The following SAXO1 variants were observed in gnomAD, a reference collection of about 807,000 sequenced individuals.
SAXO1 encodes the protein stabilizer of axonemal microtubules 1.
SAXO1 carries 21 observed loss-of-function variants against 17.5 expected under a neutral mutation model. The ratio of observed to expected loss-of-function variants is 1.20; its 90% confidence interval spans 0.85 to 1.72. The LOEUF (loss-of-function observed/expected upper bound fraction) is 1.72, where lower values mean the gene tolerates loss of function less well. SAXO1 is among the 40% of genes most tolerant of loss of function. The pLI is 0.00. For missense variants in SAXO1, 843 were observed against 596.0 expected, an observed-to-expected ratio of 1.41 and a Z score of -4.32; for synonymous variants, 274 against 216.5, an observed-to-expected ratio of 1.27 and a Z score of -2.33.
chr9:18,973,109 G>T (rs1318147696), intron 1 of SAXO1, among the ~76,000 whole-genome samples: 1 of 152,200 alleles, frequency 6.6e-6, no homozygotes, highest in Non-Finnish European at 1.5e-5. Context: ...ATCAGGTTGG[G>T]AAAGTAGTTC....
chr9:19,044,730 G>A (rs566284424), intron 1 of SAXO1, among the ~76,000 whole-genome samples: 2 of 152,080 alleles, frequency 1.3e-5, no homozygotes, highest in Admixed American at 6.6e-5. Flanking sequence ...GGGTGTGGTG[G>A]CGGGCGCCTG....
chr9:18,958,893 T>G (rs963680990), intron 1 of SAXO1, among the ~76,000 whole-genome samples: 6 of 152,026 alleles, frequency 3.9e-5, no homozygotes, highest in African/African-American at 1.4e-4. Flanking sequence ...AAACAAAACC[T>G]TGGAGAAACC....
intron 3 of SAXO1, among the ~76,000 whole-genome samples, chr9:18,934,049 AAAT>A (rs67844726): frequency 0.018 from 2,691 of 151,692 alleles, 44 homozygotes; most frequent in Non-Finnish European, 0.028. Context: ...TCCGTCTCAA[AAAT>A]AATAATAATA....
intron 3 of SAXO1, among the ~76,000 whole-genome samples, chr9:18,935,906 T>C (rs1383407253): frequency 6.6e-6 from 1 of 152,182 alleles, no homozygotes; most frequent in Non-Finnish European, 1.5e-5. Flanking sequence ...GCAGAGCCAC[T>C]ACATAAATGA....
intron 1 of SAXO1, among the ~76,000 whole-genome samples, chr9:18,972,401 C>T (rs1020937659): frequency 6.6e-6 from 1 of 152,186 alleles, no homozygotes; most frequent in African/African-American, 2.4e-5. Flanking sequence ...GCCTTTTGTT[C>T]ATAAATGTGT....
At chr9:19,010,239 G>A (rs966259136) in intron 1 of SAXO1, among the ~76,000 whole-genome samples, 11 of 152,224 alleles carry the variant, frequency 7.2e-5, no homozygotes, top group South Asian at 2.1e-4. Flanking sequence ...TTCCCAGGAC[G>A]TTCTAAAACT....
chr9:19,019,431 G>C (rs918041136), intron 1 of SAXO1, among the ~76,000 whole-genome samples: 2 of 152,008 alleles, frequency 1.3e-5, no homozygotes, highest in Non-Finnish European at 2.9e-5. Flanking sequence ...ACAAGAGTCA[G>C]AAAAAGTATA....
intron 3 of SAXO1, among the ~76,000 whole-genome samples, chr9:18,933,442 A>G (rs1831142548): frequency 6.6e-6 from 1 of 152,246 alleles, no homozygotes; most frequent in Admixed American, 6.5e-5. Flanking sequence ...TTTAAGAAGA[A>G]AACAAAGAAA....
chr9:18,993,360 TCA>T (rs1037460964), intron 1 of SAXO1, among the ~76,000 whole-genome samples: 2 of 149,508 alleles, frequency 1.3e-5, no homozygotes, highest in African/African-American at 4.9e-5. Flanking sequence ...CAATTACCTC[TCA>T]CATCTGTTGA....
At chr9:18,947,850 G>A (rs998082056) in intron 2 of SAXO1, 4 of 152,178 alleles carry the variant, frequency 2.6e-5, no homozygotes, top group African/African-American at 9.7e-5. Flanking sequence ...AGAGTTGTGT[G>A]CAGTTATAAT....
In SAXO1 at chr9:18,967,206, G is replaced by A. The variant is rs146935494; in HGVS notation, c.39-16269C>T. On this transcript the variant is annotated intron_variant, in intron 1 of 3. Coordinates refer to ENST00000380534, the MANE Select transcript of SAXO1 (RefSeq NM_153707.4). ...TACCCCTGCTGGGAGGTGTCTCCCA[G>A]CCAGGAGGCCTGGGGGTCAGGGACC... 2.4e-3 allele frequency among the ~76,000 whole-genome samples: 373 copies of A among 152,304 alleles called. 1 individual carries two copies. Among genetic ancestry groups the A allele is most frequent in the African/African-American group, 8.6e-3 (356 of 41,576 alleles).
chr9:18,992,532 G>C (rs545929386), intron 1 of SAXO1, among the ~76,000 whole-genome samples: 46 of 152,228 alleles, frequency 3.0e-4, no homozygotes, highest in Non-Finnish European at 5.1e-4. Context: ...TGGAGCATTA[G>C]GACTTCAAAA....
intron 3 of SAXO1, among the ~76,000 whole-genome samples, chr9:18,931,172 T>C (rs1314844841): frequency 1.3e-5 from 2 of 152,222 alleles, no homozygotes; most frequent in Non-Finnish European, 2.9e-5. Flanking sequence ...TTGTAGTCAG[T>C]CTTTACTCCC....
chr9:18,967,066 A>C (rs7024276), intron 1 of SAXO1, among the ~76,000 whole-genome samples: 27,793 of 152,200 alleles, frequency 0.18, 5,350 homozygotes, highest in African/African-American at 0.49. Flanking sequence ...CTGGGTATCA[A>C]CAGAGGAGGC....
At chr9:19,030,496 C>A (rs1026896862) in intron 1 of SAXO1, among the ~76,000 whole-genome samples, 1 of 151,972 alleles carries the variant, frequency 6.6e-6, no homozygotes, top group African/African-American at 2.4e-5. Context: ...CATTTGAGGT[C>A]AGGAGTTTAA....
chr9:18,960,925 G>GA, intron 1 of SAXO1, among the ~76,000 whole-genome samples: 1 of 152,162 alleles, frequency 6.6e-6, no homozygotes, highest in Non-Finnish European at 1.5e-5. Context: ...AAGAGAGTGA[G>GA]GGTGAAGGGG....
At chr9:18,948,622 C>T (rs1831894432) in intron 2 of SAXO1, among the ~76,000 whole-genome samples, 1 of 152,020 alleles carries the variant, frequency 6.6e-6, no homozygotes, top group Admixed American at 6.6e-5. Context: ...TTTTGTTTAG[C>T]GAAGCACCAT....
chr9:18,948,980 T>C (rs1164997469), intron 2 of SAXO1, among the ~76,000 whole-genome samples: 5 of 152,204 alleles, frequency 3.3e-5, no homozygotes, highest in African/African-American at 1.2e-4. Context: ...CCCTTATACA[T>C]GTGCCTAGGA....
chr9:19,003,217 C>T (rs965381793), intron 1 of SAXO1, among the ~76,000 whole-genome samples: 2 of 152,158 alleles, frequency 1.3e-5, no homozygotes, highest in Non-Finnish European at 2.9e-5. Context: ...AGGAGAACTA[C>T]AAACCACTGC....
Sources: allele counts gnomAD v4.1 joint callset (sites outside exome capture counted in the v4.1 genomes callset), GRCh38; gene constraint gnomAD v4.1.1; transcripts MANE v1.5; gene names NCBI Gene and HGNC (gene_info 2026-07-23, HGNC 2026-07-21).